PDE4B: variants seen among roughly 807,000 people sequenced by gnomAD.
The protein encoded by PDE4B is phosphodiesterase 4B.
PDE4B carries 20 observed loss-of-function variants against 82.2 expected under a neutral mutation model. The observed-to-expected ratio is 0.24, with a 90% CI of 0.17 to 0.35. The LOEUF (loss-of-function observed/expected upper bound fraction) is 0.35, where lower values mean the gene tolerates loss of function less well. PDE4B is among the 10% of genes least tolerant of loss of function. PDE4B has a pLI of 1.00. For synonymous variants in PDE4B, 320 were observed against 318.9 expected (o/e 1.00, Z -0.04); for missense variants, 655 against 907.2 (o/e 0.72, Z 3.57).
chr1:66,332,345 T>A (rs751228248), intron 7 of PDE4B, 163 bp from the exon 8 acceptor site: 1 of 1,606,490 alleles, frequency 6.2e-7, no homozygotes, highest in Non-Finnish European at 8.5e-7. Context: ...TGTGATTTGT[T>A]CTCCTGGTGG....
intron 3 of PDE4B, among the ~76,000 whole-genome samples, chr1:66,134,740 A>G (rs769996780): frequency 7.9e-5 from 12 of 152,248 alleles, no homozygotes; most frequent in Non-Finnish European, 1.6e-4. Context: ...TGTTTGTAAA[A>G]TACTGTTTTA....
chr1:66,046,872 A>G (rs540350998), intron 3 of PDE4B, among the ~76,000 whole-genome samples: 1 of 151,988 alleles, frequency 6.6e-6, no homozygotes, highest in South Asian at 2.1e-4. Context: ...AATGGGCTCT[A>G]GCATACTCTT....
At chr1:66,229,261 G>T (rs985178040) in intron 3 of PDE4B, among the ~76,000 whole-genome samples, 1 of 151,570 alleles carries the variant, frequency 6.6e-6, no homozygotes, top group Non-Finnish European at 1.5e-5. Context: ...CGCCCGCCTC[G>T]GCCTCCCAAA....
At chr1:66,251,389 A>T (rs1653762174) in intron 4 of PDE4B, among the ~76,000 whole-genome samples, 1 of 152,030 alleles carries the variant, frequency 6.6e-6, no homozygotes, top group East Asian at 1.9e-4. Flanking sequence ...ATGTAAACAG[A>T]CTCTAAGTGA....
chr1:66,188,889 G>T (rs975398836), intron 3 of PDE4B, among the ~76,000 whole-genome samples: 1 of 152,150 alleles, frequency 6.6e-6, no homozygotes, highest in African/African-American at 2.4e-5. Flanking sequence ...GATGTTAGCT[G>T]GGTATTTTGC....
chr1:65,864,533 A>G (rs1381559784), intron 1 of PDE4B, among the ~76,000 whole-genome samples: 4 of 151,766 alleles, frequency 2.6e-5, no homozygotes, highest in Non-Finnish European at 4.4e-5. Context: ...TGACCTTTGG[A>G]TGGGTTTTTG....
chr1:66,037,746 TG>T (rs1654145474), intron 3 of PDE4B, among the ~76,000 whole-genome samples: 1 of 152,164 alleles, frequency 6.6e-6, no homozygotes, highest in African/African-American at 2.4e-5. Flanking sequence ...TGATGTTAGG[TG>T]TGAATATTGG....
chr1:65,987,673 C>G (rs913319301), intron 3 of PDE4B, among the ~76,000 whole-genome samples: 2 of 152,102 alleles, frequency 1.3e-5, no homozygotes, highest in Non-Finnish European at 2.9e-5. Flanking sequence ...AGTGCAATGG[C>G]ACAATCTCTG....
chr1:66,052,034 C>T (rs1655055592), intron 3 of PDE4B, among the ~76,000 whole-genome samples: 1 of 152,140 alleles, frequency 6.6e-6, no homozygotes, highest in Non-Finnish European at 1.5e-5. Context: ...TGAAGCTCAG[C>T]TTTTCTTCTG....
At chr1:66,227,379 A>G (rs1008594713) in intron 3 of PDE4B, among the ~76,000 whole-genome samples, 1 of 152,318 alleles carries the variant, frequency 6.6e-6, no homozygotes, top group Middle Eastern at 3.4e-3. Flanking sequence ...AGTTATCTAG[A>G]CCTCAGGATC....
At chr1:65,930,095 A>C (rs1647748197) in intron 3 of PDE4B, among the ~76,000 whole-genome samples, 1 of 152,204 alleles carries the variant, frequency 6.6e-6, no homozygotes, top group African/African-American at 2.4e-5. Context: ...TCAAAACTGA[A>C]GAACTTGGAG....
chr1:65,965,605 A>G (rs1649776949), intron 3 of PDE4B, among the ~76,000 whole-genome samples: 1 of 152,056 alleles, frequency 6.6e-6, no homozygotes, highest in East Asian at 1.9e-4. Flanking sequence ...ATGGGAACAA[A>G]CCCAAACTGG....
At chr1:66,198,301 T>C (rs1365170743) in intron 3 of PDE4B, among the ~76,000 whole-genome samples, 1 of 152,176 alleles carries the variant, frequency 6.6e-6, no homozygotes, top group Non-Finnish European at 1.5e-5. Context: ...CTTACCTTTC[T>C]ATTCACTTAT....
intron 7 of PDE4B, among the ~76,000 whole-genome samples, chr1:66,322,878 AC>A (rs1245463554): frequency 2.0e-5 from 3 of 152,062 alleles, no homozygotes; most frequent in African/African-American, 7.2e-5. Flanking sequence ...AGATATGCTT[AC>A]CCCCATTTTA....
In PDE4B at chr1:66,064,193, G is replaced by A. The variant is rs1170761173; in HGVS notation, c.281+145358G>A. 3.3e-5 allele frequency among the ~76,000 whole-genome samples: 5 copies of A among 151,856 alleles called. No homozygotes were observed. The South Asian group carries it at 6.2e-4, about 19-fold the overall frequency. On this transcript the variant is annotated intron_variant, in intron 3 of 16. Coordinates refer to ENST00000341517, the MANE Select transcript of PDE4B (RefSeq NM_002600.4). Reference sequence around the variant, plus strand: ...AGCAAAAATAGAATTTGCTTCCAACGGTGCTAATGAAGTGTTGTCAATGAA... The same window carrying A: ...AGCAAAAATAGAATTTGCTTCCAACAGTGCTAATGAAGTGTTGTCAATGAA...
At chr1:66,096,517 T>TATATATATA (rs1557557849) in intron 3 of PDE4B, among the ~76,000 whole-genome samples, 1 of 138,012 alleles carries the variant, frequency 7.2e-6, no homozygotes, top group Non-Finnish European at 1.6e-5. Context: ...ATTATATATA[T>TATATATATA]ATATATATAT....
intron 13 of PDE4B, among the ~76,000 whole-genome samples, chr1:66,367,009 T>G (rs1456107363): frequency 6.6e-6 from 1 of 152,192 alleles, no homozygotes; most frequent in Admixed American, 6.5e-5. Context: ...CAAGCAGACT[T>G]CTGTCTAACA....
intron 1 of PDE4B, among the ~76,000 whole-genome samples, chr1:65,852,029 G>C (rs1646338183): frequency 6.6e-6 from 1 of 151,922 alleles, no homozygotes. Flanking sequence ...ATTGATTTTT[G>C]AATATGAAAT....
intron 3 of PDE4B, among the ~76,000 whole-genome samples, chr1:65,943,458 G>C (rs977128055): frequency 1.3e-5 from 2 of 151,784 alleles, no homozygotes; most frequent in Admixed American, 6.6e-5. Context: ...TGTTATTTTT[G>C]CTTAAGATTG....
Sources: gnomAD v4.1 joint callset for allele counts (sites outside exome capture counted in the v4.1 genomes callset) on GRCh38, gnomAD v4.1.1 for gene constraint, MANE v1.5 for transcripts, NCBI Gene and HGNC (gene_info 2026-07-23, HGNC 2026-07-21) for gene names.